SVIL: variants seen among roughly 807,000 people sequenced by gnomAD.
SVIL encodes the protein supervillin.
Under a neutral mutation model 240.4 loss-of-function variants are expected in SVIL, and 101 were observed. The ratio of observed to expected loss-of-function variants is 0.42; its 90% CI spans 0.36 to 0.50. The LOEUF is 0.50. Ranked by LOEUF, SVIL falls within the 20% of genes least tolerant of loss-of-function variation. The pLI is 0.01. For synonymous variants in SVIL, 999 were observed against 1,100.0 expected (o/e 0.91, Z 1.82); for missense variants, 2,512 against 2,818.7 (o/e 0.89, Z 2.46).
Position 29,550,917 on chromosome 10 carries a change from C to T in SVIL, c.507G>A (p.Gly169=). Reference sequence around the variant, plus strand: ...AGGTCCTGAGCCCCATCGTCTCGGTCCCGGGGTACAGAGAACTAGCATCTC... The same window carrying T: ...AGGTCCTGAGCCCCATCGTCTCGGTTCCGGGGTACAGAGAACTAGCATCTC... The part of the protein sequence containing the change: ...SSRDASSLYP[G]TETMGLRTCA... Residue 169 remains glycine (G), a synonymous_variant, in exon 6 of 38, where the codon GGG becomes GGA. Transcript: ENST00000355867. The T allele has an allele frequency of 1.2e-6, 2 of 1,614,064 alleles. No homozygotes were observed. Among genetic ancestry groups the T allele is most frequent in the Middle Eastern group, 1.6e-4 (1 of 6,062 alleles).
chr10:29,531,851 A>G (rs1564586752), intron 9 of SVIL, 151 bp downstream of exon 9: 3 of 933,990 alleles, frequency 3.2e-6, no homozygotes, highest in Admixed American at 2.6e-5. Context: ...AGACTTTTAA[A>G]TAAGCCAAAT....
intron 29 of SVIL, 47 bp from the exon 30 acceptor site, chr10:29,474,036 C>A: frequency 1.9e-6 from 3 of 1,594,044 alleles, no homozygotes; most frequent in Non-Finnish European, 2.6e-6. Flanking sequence ...CTGAGACACC[C>A]GAGGAGAAGC....
chr10:29,731,719 A>G (rs964254001), intron 1 of SVIL, among the ~76,000 whole-genome samples: 1 of 152,232 alleles, frequency 6.6e-6, no homozygotes, highest in East Asian at 1.9e-4. Flanking sequence ...CTGACAGACT[A>G]TATCTGGAAT....
At chr10:29,477,109 T>C (rs1019570699) in intron 29 of SVIL, among the ~76,000 whole-genome samples, 1 of 152,166 alleles carries the variant, frequency 6.6e-6, no homozygotes, top group African/African-American at 2.4e-5. Flanking sequence ...GTGATTTGCC[T>C]GCCTTGGCCT....
At chr10:29,691,212 ATTTTT>A (rs1364591858) in intron 1 of SVIL, among the ~76,000 whole-genome samples, 1 of 142,496 alleles carries the variant, frequency 7.0e-6, no homozygotes, top group Non-Finnish European at 1.5e-5. Context: ...ATAATGAATA[ATTTTT>A]TTTTTTTTTT....
At chr10:29,649,423 A>C (rs1958769074) in intron 3 of SVIL, among the ~76,000 whole-genome samples, 2 of 152,176 alleles carry the variant, frequency 1.3e-5, no homozygotes, top group Admixed American at 1.3e-4. Flanking sequence ...TTACAACCAC[A>C]AAGTTTTGTT....
chr10:29,626,545 T>C (rs1305686682), intron 1 of SVIL, among the ~76,000 whole-genome samples: 2 of 152,252 alleles, frequency 1.3e-5, no homozygotes, highest in Non-Finnish European at 2.9e-5. Context: ...ACGAAGATTC[T>C]GACGGTCTCA....
At chr10:29,479,726 C>CTGCCTGTGCT (rs1188624504) in intron 29 of SVIL, among the ~76,000 whole-genome samples, 2 of 152,254 alleles carry the variant, frequency 1.3e-5, no homozygotes, top group Admixed American at 1.3e-4. Context: ...CAGCAAACAG[C>CTGCCTGTGCT]TGCCTGTGCT....
intron 18 of SVIL, among the ~76,000 whole-genome samples, chr10:29,498,612 A>C (rs1423722818): frequency 6.6e-6 from 1 of 152,230 alleles, no homozygotes; most frequent in African/African-American, 2.4e-5. Context: ...CTATTTATGA[A>C]GAAAAGATAT....
intron 26 of SVIL, among the ~76,000 whole-genome samples, chr10:29,485,078 T>C (rs1947266572): frequency 6.6e-6 from 1 of 152,078 alleles, no homozygotes; most frequent in African/African-American, 2.4e-5. Flanking sequence ...TTCCCTCCTC[T>C]GAACTCTCAA....
chr10:29,680,277 G>A (rs556781273), intron 2 of SVIL, among the ~76,000 whole-genome samples: 7 of 152,244 alleles, frequency 4.6e-5, no homozygotes, highest in East Asian at 3.9e-4. Context: ...CACTCTCCCC[G>A]TCCCACCAGT....
chr10:29,631,098 C>A (rs552840198), intron 1 of SVIL, among the ~76,000 whole-genome samples: 1 of 152,254 alleles, frequency 6.6e-6, no homozygotes, highest in South Asian at 2.1e-4. Flanking sequence ...ATATTGCTTC[C>A]CTGGCAGGCA....
At chr10:29,634,388 C>A (rs1958230698) in intron 1 of SVIL, 32 bp downstream of exon 1, 1 of 152,042 alleles carries the variant, frequency 6.6e-6, no homozygotes, top group Admixed American at 6.6e-5. Flanking sequence ...AAACCTACTG[C>A]ATTTAGATTT....
chr10:29,653,120 G>C (rs1958892877), intron 3 of SVIL, among the ~76,000 whole-genome samples: 3 of 151,574 alleles, frequency 2.0e-5, no homozygotes, highest in Admixed American at 2.0e-4. Flanking sequence ...ATGAGTCCCT[G>C]TGCCCAGCCT....
chr10:29,555,033 C>T lies in SVIL; in HGVS notation c.8+18G>A. 6.2e-7 allele frequency: 1 copy of T among 1,613,128 alleles called. No individual in the cohort carries two copies. The highest frequency in any genetic ancestry group is 1.1e-5 in the South Asian group (1 of 90,958). On this transcript the variant is annotated intron_variant, in intron 4 of 37. Transcript: ENST00000355867. ...CAAGCTCTCTTCTACTTCCTAACTC[C>T]CACTATAAAGATCTTACCTTTTCAT...
intron 1 of SVIL, among the ~76,000 whole-genome samples, chr10:29,610,854 T>C (rs1247441): frequency 0.42 from 64,065 of 151,920 alleles, 13,700 homozygotes; most frequent in African/African-American, 0.47. Context: ...TTTCCTGTAA[T>C]TCCTGTGCAG....
At chr10:29,664,235 T>A (rs1284138693) in intron 2 of SVIL, among the ~76,000 whole-genome samples, 1 of 152,250 alleles carries the variant, frequency 6.6e-6, no homozygotes, top group Non-Finnish European at 1.5e-5. Context: ...TAAGAATCTC[T>A]CATACACTTT....
intron 17 of SVIL, among the ~76,000 whole-genome samples, chr10:29,509,324 G>GAGAGAGAGAGAGAGA (rs1564540768): frequency 1.3e-5 from 1 of 79,778 alleles, no homozygotes. Flanking sequence ...GGAGAAGGAG[G>GAGAGAGAGAGAGAGA]GGGAGGGAGA....
At chr10:29,707,181 C>T (rs569958715) in intron 1 of SVIL, among the ~76,000 whole-genome samples, 1 of 152,254 alleles carries the variant, frequency 6.6e-6, no homozygotes, top group African/African-American at 2.4e-5. Context: ...TGAAGAATGT[C>T]AGTGGTAGTT....
Sources: allele counts gnomAD v4.1 joint callset (sites outside exome capture counted in the v4.1 genomes callset), GRCh38; gene constraint gnomAD v4.1.1; transcripts MANE v1.5; gene names NCBI Gene and HGNC (gene_info 2026-07-23, HGNC 2026-07-21).